Variants in KLF12 observed in about 807,000 individuals in gnomAD.
The protein encoded by KLF12 is KLF transcription factor 12.
A neutral mutation model predicts 37.8 loss-of-function variants in KLF12; 9 were observed. The ratio of observed to expected loss-of-function variants is 0.24; its 90% confidence interval spans 0.14 to 0.42. The LOEUF is 0.42. Ranked by LOEUF, KLF12 falls within the 10% of genes least tolerant of loss-of-function variation. KLF12 has a pLI of 1.00. For missense variants in KLF12, 411 were observed against 516.0 expected, an observed-to-expected ratio of 0.80 and a Z score of 1.97; for synonymous variants, 208 against 202.1, an observed-to-expected ratio of 1.03 and a Z score of -0.25.
intron 1 of KLF12, among the ~76,000 whole-genome samples, chr13:74,099,638 G>A (rs1369203412): frequency 1.3e-5 from 2 of 152,078 alleles, no homozygotes; most frequent in South Asian, 2.1e-4. Flanking sequence ...CCTAGGCATG[G>A]GAAGAAAACC....
intron 3 of KLF12, among the ~76,000 whole-genome samples, chr13:73,865,500 G>A (rs1886128033): frequency 1.3e-5 from 2 of 152,038 alleles, no homozygotes; most frequent in African/African-American, 4.8e-5. Context: ...GATCCAAGAA[G>A]GAAAGAAACA....
chr13:74,161,056 A>T, the KLF12 span, among the ~76,000 whole-genome samples: 1 of 145,928 alleles, frequency 6.9e-6, no homozygotes, highest in Non-Finnish European at 1.5e-5. Flanking sequence ...GGTTTTGGAC[A>T]TTCAGGAGAG....
chr13:73,899,445 A>C (rs73537999), intron 3 of KLF12, among the ~76,000 whole-genome samples: 6,714 of 152,262 alleles, frequency 0.044, 325 homozygotes, highest in African/African-American at 0.12. Context: ...GAAAAAACAG[A>C]ATATATATTC....
the KLF12 span, among the ~76,000 whole-genome samples, chr13:74,151,870 A>T: frequency 6.6e-6 from 1 of 152,182 alleles, no homozygotes. Context: ...AAAGTAACCA[A>T]CCAAAAATAA....
intron 1 of KLF12, among the ~76,000 whole-genome samples, chr13:74,089,626 G>T (rs759459042): frequency 7.3e-5 from 11 of 151,680 alleles, no homozygotes; most frequent in Admixed American, 6.6e-4. Flanking sequence ...TCCCAGGTAC[G>T]CAAGGTTGGT....
At chr13:74,244,345 G>A in the KLF12 span, among the ~76,000 whole-genome samples, 1 of 152,212 alleles carries the variant, frequency 6.6e-6, no homozygotes, top group African/African-American at 2.4e-5. Context: ...GTCTACTGAA[G>A]TAAGTCTTAT....
At chr13:74,218,276 CA>C in the KLF12 span, among the ~76,000 whole-genome samples, 1 of 152,112 alleles carries the variant, frequency 6.6e-6, no homozygotes, top group South Asian at 2.1e-4. Flanking sequence ...AAAAGGGGGA[CA>C]TACTCTGAAT....
chr13:74,014,680 C>T (rs1342308141), intron 1 of KLF12, among the ~76,000 whole-genome samples: 1 of 152,172 alleles, frequency 6.6e-6, no homozygotes. Flanking sequence ...TCAGTTATAA[C>T]CTTCTATTTT....
At chr13:74,127,605 T>C (rs2139011058) in intron 1 of KLF12, among the ~76,000 whole-genome samples, 1 of 152,366 alleles carries the variant, frequency 6.6e-6, no homozygotes, top group South Asian at 2.1e-4. Context: ...AGAGATAGTT[T>C]GAGTTTGTTT....
intron 1 of KLF12, among the ~76,000 whole-genome samples, chr13:74,101,118 T>TACCTTCCTATAGTCTGTTGCC (rs1162718641): frequency 1.3e-5 from 2 of 152,232 alleles, no homozygotes; most frequent in South Asian, 2.1e-4. Context: ...GTCTTCCCCT[T>TACCTTCCTATAGTCTGTTGCC]ACCTTCCTAT....
the KLF12 span, among the ~76,000 whole-genome samples, chr13:74,150,241 T>C: frequency 2.0e-5 from 3 of 152,224 alleles, no homozygotes. Context: ...TGAATATCTC[T>C]CTAATACATG....
At chr13:74,040,213 C>T (rs1024294132) in intron 1 of KLF12, among the ~76,000 whole-genome samples, 1 of 152,126 alleles carries the variant, frequency 6.6e-6, no homozygotes, top group Non-Finnish European at 1.5e-5. Flanking sequence ...AACACATTAT[C>T]ACTTCATTTA....
At chr13:73,760,525 T>G (rs1466202245) in intron 6 of KLF12, among the ~76,000 whole-genome samples, 1 of 151,954 alleles carries the variant, frequency 6.6e-6, no homozygotes, top group East Asian at 1.9e-4. Context: ...CGTCTCACTA[T>G]GTTGCCCAGC....
intron 2 of KLF12, among the ~76,000 whole-genome samples, chr13:73,989,094 A>G (rs2138230322): frequency 6.6e-6 from 1 of 152,340 alleles, no homozygotes; most frequent in African/African-American, 2.4e-5. Flanking sequence ...TCCATTTAAA[A>G]GGTTACTTAT....
intron 6 of KLF12, among the ~76,000 whole-genome samples, chr13:73,763,098 T>C (rs1324455922): frequency 6.6e-6 from 1 of 152,206 alleles, no homozygotes; most frequent in East Asian, 1.9e-4. Flanking sequence ...TCAAAAGCTT[T>C]CTTCTTTGGG....
intron 3 of KLF12, among the ~76,000 whole-genome samples, chr13:73,876,176 G>A (rs1332363949): frequency 6.6e-6 from 1 of 151,260 alleles, no homozygotes; most frequent in Non-Finnish European, 1.5e-5. Flanking sequence ...AAAGGTTTTA[G>A]CTTGCTGAGT....
the KLF12 span, among the ~76,000 whole-genome samples, chr13:74,252,553 G>A: frequency 9.2e-5 from 14 of 152,264 alleles, no homozygotes; most frequent in African/African-American, 3.4e-4. Context: ...GTGGAGAGGG[G>A]TTGGCCACTA....
intron 1 of KLF12, among the ~76,000 whole-genome samples, chr13:73,999,754 A>G (rs2138299121): frequency 6.6e-6 from 1 of 152,166 alleles, no homozygotes; most frequent in East Asian, 1.9e-4. Context: ...AAACAAAAAC[A>G]AAAACAAAAA....
intron 3 of KLF12, among the ~76,000 whole-genome samples, chr13:73,895,134 T>C (rs971513751): frequency 1.3e-5 from 2 of 152,218 alleles, no homozygotes; most frequent in East Asian, 1.9e-4. Flanking sequence ...ACACCCCCTG[T>C]AGATTCATCA....
Sources: gnomAD v4.1 joint callset for allele counts (sites outside exome capture counted in the v4.1 genomes callset) on GRCh38, gnomAD v4.1.1 for gene constraint, MANE v1.5 for transcripts, NCBI Gene and HGNC (gene_info 2026-07-23, HGNC 2026-07-21) for gene names.